Variants in CD3E observed in about 807,000 individuals in gnomAD.
CD3E encodes the protein T-cell surface glycoprotein CD3 epsilon chain.
A neutral mutation model predicts 34.7 loss-of-function variants in CD3E; 16 were observed. The observed-to-expected ratio is 0.46, with a 90% confidence interval of 0.31 to 0.70. The LOEUF (loss-of-function observed/expected upper bound fraction) is 0.70. CD3E is among the 30% of genes least tolerant of loss of function. The pLI is 0.05. For synonymous variants in CD3E, 70 were observed against 90.8 expected, an observed-to-expected ratio of 0.77 and a Z score of 1.30; for missense variants, 223 against 253.9, an observed-to-expected ratio of 0.88 and a Z score of 0.83.
chr11:118,305,348 G>A (rs1948099890), intron 2 of CD3E, among the ~76,000 whole-genome samples: 1 of 152,214 alleles, frequency 6.6e-6, no homozygotes, highest in South Asian at 2.1e-4. Context: ...TCCTTGTTTT[G>A]AAGAGACCAG....
chr11:118,304,754 T>C lies in CD3E; in HGVS notation c.-82T>C. ...CAGAAACCCTCCTCCCCTCCCAGCC[T>C]CAGGTGCCTGCTTCAGAAAATGGTG... On this transcript the variant is annotated 5_prime_UTR_variant, in exon 1 of 9. Coordinates refer to ENST00000361763, the MANE Select transcript of CD3E (RefSeq NM_000733.4). The C allele has an allele frequency of 1.5e-6, 1 of 646,222 alleles. No homozygotes were observed. The highest frequency in any genetic ancestry group is 1.6e-5 in the South Asian group (1 of 62,088). 40.0% of individuals were successfully genotyped at this position (646,222 alleles called of 1,614,324 possible). A position where few individuals can be genotyped will look rare whatever the true frequency, so the allele number is the denominator to read the frequency against.
intron 2 of CD3E, among the ~76,000 whole-genome samples, chr11:118,305,368 T>A (rs2134759910): frequency 6.6e-6 from 1 of 152,314 alleles, no homozygotes; most frequent in South Asian, 2.1e-4. Context: ...GATACTTGCG[T>A]CCAAACTCTG....
intron 4 of CD3E, among the ~76,000 whole-genome samples, chr11:118,308,947 C>G (rs1400807577): frequency 6.6e-6 from 1 of 152,160 alleles, no homozygotes; most frequent in Non-Finnish European, 1.5e-5. Flanking sequence ...GTGGTCAACT[C>G]TACTGAGTGT....
chr11:118,308,959 G>T (rs954220246), intron 4 of CD3E, among the ~76,000 whole-genome samples: 1 of 152,178 alleles, frequency 6.6e-6, no homozygotes, highest in Non-Finnish European at 1.5e-5. Flanking sequence ...ACTGAGTGTC[G>T]TTGGGAAAGG....
Position 118,315,559 on chromosome 11 carries a change from G to T in CD3E, c.*17G>T. 1 of 1,605,512 alleles carries T rather than the reference G, an allele frequency of 6.2e-7. No individual in the cohort carries two copies. Among genetic ancestry groups the T allele is most frequent in the African/African-American group, 1.3e-5 (1 of 74,654 alleles). On this transcript the variant is annotated 3_prime_UTR_variant, in exon 9 of 9. Transcript: ENST00000361763. ...CGCATCTGACCCTCTGGAGAACACT[G>T]CCTCCCGCTGGCCCAGGTCTCCTCT...
intron 4 of CD3E, 59 bp downstream of exon 4, chr11:118,308,500 A>G (rs1463952167): frequency 1.8e-6 from 2 of 1,083,858 alleles, no homozygotes; most frequent in Admixed American, 1.8e-5. Context: ...AAATGCTCAT[A>G]GAGTACAATC....
intron 6 of CD3E, 141 bp downstream of exon 6, chr11:118,313,007 C>G (rs1948144810): frequency 1.1e-6 from 1 of 911,524 alleles, no homozygotes; most frequent in Non-Finnish European, 1.8e-6. Context: ...CTGGGACTCT[C>G]TGGTACCACA....
At chr11:118,310,339 T>C (rs967020882) in intron 4 of CD3E, among the ~76,000 whole-genome samples, 3 of 152,214 alleles carry the variant, frequency 2.0e-5, no homozygotes, top group African/African-American at 7.2e-5. Flanking sequence ...TGTGTTCTCA[T>C]CATTTAGCTC....
At chr11:118,307,430 T>C in intron 3 of CD3E, 122 bp downstream of exon 3, 1 of 823,204 alleles carries the variant, frequency 1.2e-6, no homozygotes, top group Non-Finnish European at 2.0e-6. Flanking sequence ...AAGGAGTTTC[T>C]GCCATCTACC....
Position 118,305,549 on chromosome 11 carries a change from A to C in CD3E, c.49+548A>C, listed in dbSNP as rs763655749. ...TTCTGTATCTCATATGAGATAAATA[A>C]TACCAAAAAAAGTTGCCATTTATTG... On this transcript the variant is annotated intron_variant, in intron 2 of 8. Transcript: ENST00000361763. Among the ~76,000 whole-genome samples the C allele has an allele frequency of 1.3e-5, 2 of 152,244 alleles. 1 individual carries two copies. Among genetic ancestry groups the C allele is most frequent in the Non-Finnish European group, 2.9e-5 (2 of 68,044 alleles).
At chr11:118,308,850 T>C (rs1948121216) in intron 4 of CD3E, among the ~76,000 whole-genome samples, 1 of 152,214 alleles carries the variant, frequency 6.6e-6, no homozygotes, top group Non-Finnish European at 1.5e-5. Flanking sequence ...CTGATGGTCT[T>C]GTGTGAGAGA....
At chr11:118,309,662 A>G (rs1171184897) in intron 4 of CD3E, among the ~76,000 whole-genome samples, 4 of 152,252 alleles carry the variant, frequency 2.6e-5, no homozygotes, top group Non-Finnish European at 5.9e-5. Flanking sequence ...ATAAGCATTA[A>G]AGTTTACTGA....
At chr11:118,314,740 G>A (rs1488372174) in intron 8 of CD3E, among the ~76,000 whole-genome samples, 1 of 152,020 alleles carries the variant, frequency 6.6e-6, no homozygotes, top group Non-Finnish European at 1.5e-5. Flanking sequence ...TCTTTCTCTG[G>A]CTTATTCATT....
chr11:118,305,852 T>G (rs1948102570), intron 2 of CD3E, among the ~76,000 whole-genome samples: 1 of 152,176 alleles, frequency 6.6e-6, no homozygotes, highest in African/African-American at 2.4e-5. Context: ...TGGCTCGTGA[T>G]GGTTTTATTT....
At chr11:118,305,824 G>A (rs1030023982) in intron 2 of CD3E, among the ~76,000 whole-genome samples, 1 of 152,192 alleles carries the variant, frequency 6.6e-6, no homozygotes, top group Admixed American at 6.5e-5. Context: ...CTAAATGGCT[G>A]CACCACATGA....
Position 118,315,853 on chromosome 11 carries a change from C to T in CD3E, c.*311C>T, listed in dbSNP as rs202056225. On this transcript the variant is annotated 3_prime_UTR_variant, in exon 9 of 9. Coordinates refer to ENST00000361763, the MANE Select transcript of CD3E (RefSeq NM_000733.4). ...CCCTTCCCTTTGGATGTAACTTCTC[C>T]GTTCAGTTCCCTCCTTTTCTTGCAT... 73 of 506,488 alleles carry T rather than the reference C, an allele frequency of 1.4e-4. No individual in the cohort carries two copies. Among genetic ancestry groups the T allele is most frequent in the Non-Finnish European group, 1.2e-4 (33 of 281,100 alleles). The allele number at this position is 506,488 out of a possible 1,614,324, so 31.4% of individuals were successfully genotyped here.
chr11:118,306,445 T>C (rs1167284008), intron 2 of CD3E, among the ~76,000 whole-genome samples: 2 of 151,550 alleles, frequency 1.3e-5, no homozygotes, highest in Non-Finnish European at 2.9e-5. Flanking sequence ...CAGTAAGCCA[T>C]GATCAAGCCA....
rs200429733 is a variant in CD3E at position 118,314,485 on chromosome 11, A to G, written c.558A>G (p.Pro186=). 1.9e-6 allele frequency: 3 copies of G among 1,614,058 alleles called. No homozygotes were observed. Among genetic ancestry groups the G allele is most frequent in the Non-Finnish European group, 2.5e-6 (3 of 1,179,934 alleles). The change falls in exon 8 of 9, where the codon CCA becomes CCG. Residue 186 remains proline (P), a synonymous_variant. Coordinates refer to ENST00000361763, the MANE Select transcript of CD3E (RefSeq NM_000733.4). ...NKERPPPVPN[P]DYEPIRKGQR... is the part of the protein sequence containing the mutation. Reference sequence around the variant, plus strand: ...AGAGGCCACCACCTGTTCCCAACCCAGACTATGAGGTAACGTGGGATAGAA... The same window carrying G: ...AGAGGCCACCACCTGTTCCCAACCCGGACTATGAGGTAACGTGGGATAGAA...
At chr11:118,313,555 G>A (rs1161004088) in intron 6 of CD3E, 152 bp from the exon 7 acceptor site, 1 of 744,188 alleles carries the variant, frequency 1.3e-6, no homozygotes, top group African/African-American at 1.7e-5. Flanking sequence ...GCTTGTCAAT[G>A]TTGTTCTAAA....
Sources: allele counts gnomAD v4.1 joint callset (sites outside exome capture counted in the v4.1 genomes callset), GRCh38; gene constraint gnomAD v4.1.1; transcripts MANE v1.5; gene names NCBI Gene and HGNC (gene_info 2026-07-23, HGNC 2026-07-21).